ADGRL2: variants seen among roughly 807,000 people sequenced by gnomAD.
The protein encoded by ADGRL2 is calcium-independent alpha-latrotoxin receptor 2.
A neutral mutation model predicts 157.4 loss-of-function variants in ADGRL2; 44 were observed. That is an observed-to-expected ratio of 0.28 (90% CI 0.22 to 0.36). The LOEUF (loss-of-function observed/expected upper bound fraction) is 0.36, where lower values mean the gene tolerates loss of function less well. Ranked by LOEUF, ADGRL2 falls within the 10% of genes least tolerant of loss-of-function variation. The pLI is 1.00. For missense variants in ADGRL2, 1,510 were observed against 1,768.9 expected (o/e 0.85, Z 2.63); for synonymous variants, 585 against 624.7 (o/e 0.94, Z 0.95).
intron 1 of ADGRL2, chr1:81,427,223 G>A (rs2077234089): frequency 2.6e-6 from 2 of 780,326 alleles, no homozygotes; most frequent in Non-Finnish European, 4.6e-6. Flanking sequence ...TGGAAGAGGA[G>A]GCTATGCTGG....
At chr1:81,642,811 A>T (rs2082246411) in intron 3 of ADGRL2, among the ~76,000 whole-genome samples, 1 of 152,226 alleles carries the variant, frequency 6.6e-6, no homozygotes, top group African/African-American at 2.4e-5. Context: ...CATGACATGA[A>T]CGGGTTAAGA....
rs1487252634 is a variant in ADGRL2, at chr1:81,737,043, C to A, written c.-142-24768C>A. On this transcript the variant is annotated intron_variant, in intron 1 of 20. Transcript: ENST00000359929. Reference sequence around the variant, plus strand: ...TAGAGGTGGGGTTTCACCATGTTAGCCAGCATGGTCTCGATCTCCTGACCT... The same window carrying A: ...TAGAGGTGGGGTTTCACCATGTTAGACAGCATGGTCTCGATCTCCTGACCT... Among the ~76,000 whole-genome samples, 5 of 152,084 alleles carry A rather than the reference C, an allele frequency of 3.3e-5. No individual in the cohort carries two copies. In the East Asian group the frequency reaches 9.7e-4, roughly 30 times the overall value.
chr1:81,885,915 A>G (rs764075532), intron 2 of ADGRL2, among the ~76,000 whole-genome samples: 1 of 152,190 alleles, frequency 6.6e-6, no homozygotes, highest in Non-Finnish European at 1.5e-5. Context: ...ATTAGGCTTA[A>G]CATGTAGTTT....
At chr1:81,378,057 T>C (rs1557641299) in intron 1 of ADGRL2, among the ~76,000 whole-genome samples, 1 of 152,016 alleles carries the variant, frequency 6.6e-6, no homozygotes, top group Non-Finnish European at 1.5e-5. Context: ...TGCACACCTG[T>C]AGCCCCAGCT....
At chr1:81,903,478 T>C (rs891295592) in intron 2 of ADGRL2, among the ~76,000 whole-genome samples, 1 of 151,986 alleles carries the variant, frequency 6.6e-6, no homozygotes, top group Non-Finnish European at 1.5e-5. Flanking sequence ...GGTTAGAATC[T>C]AACGTGTGGT....
intron 1 of ADGRL2, among the ~76,000 whole-genome samples, chr1:81,705,390 G>A (rs1334469550): frequency 1.3e-5 from 2 of 152,060 alleles, no homozygotes; most frequent in Non-Finnish European, 2.9e-5. Flanking sequence ...AAAGCCTACA[G>A]GTGTGCATCA....
At chr1:81,952,268 G>T (rs1652080935) in intron 9 of ADGRL2, 126 bp downstream of exon 9, 9 of 652,600 alleles carry the variant, frequency 1.4e-5, no homozygotes, top group South Asian at 2.9e-5. Context: ...TTTCTAATTT[G>T]GTTCATTTTT....
intron 1 of ADGRL2, among the ~76,000 whole-genome samples, chr1:81,384,369 G>T (rs1201538573): frequency 6.6e-6 from 1 of 152,048 alleles, no homozygotes; most frequent in Admixed American, 6.6e-5. Flanking sequence ...GTGTGTGCAC[G>T]CATGTTTGTG....
At chr1:81,730,047 T>C (rs996048834) in intron 1 of ADGRL2, among the ~76,000 whole-genome samples, 1 of 152,180 alleles carries the variant, frequency 6.6e-6, no homozygotes, top group African/African-American at 2.4e-5. Context: ...GCTGCTAAGA[T>C]GCTCTTTAAT....
intron 1 of ADGRL2, among the ~76,000 whole-genome samples, chr1:81,441,013 C>T (rs1222332805): frequency 2.6e-5 from 4 of 152,116 alleles, no homozygotes; most frequent in Admixed American, 2.0e-4. Flanking sequence ...ACATTCATAA[C>T]ACATGTTTCT....
At chr1:81,881,845 A>G (rs74423981) in intron 2 of ADGRL2, among the ~76,000 whole-genome samples, 2,844 of 152,264 alleles carry the variant, frequency 0.019, 78 homozygotes, top group African/African-American at 0.065. Context: ...ATCTTTCCCT[A>G]AATGTTCCTA....
At chr1:81,546,526 C>T (rs77501248) in intron 2 of ADGRL2, among the ~76,000 whole-genome samples, 2,897 of 152,282 alleles carry the variant, frequency 0.019, 55 homozygotes, top group Non-Finnish European at 0.03. Flanking sequence ...ACATCACAGA[C>T]GTGTTCACAC....
chr1:81,701,516 A>G (rs922327601), intron 1 of ADGRL2, among the ~76,000 whole-genome samples: 1 of 152,134 alleles, frequency 6.6e-6, no homozygotes, highest in Non-Finnish European at 1.5e-5. Flanking sequence ...ACCTAATCCT[A>G]AAATGTCCTG....
intron 2 of ADGRL2, among the ~76,000 whole-genome samples, chr1:81,765,194 T>C (rs926816686): frequency 6.6e-6 from 1 of 152,036 alleles, no homozygotes; most frequent in Non-Finnish European, 1.5e-5. Context: ...GATTTGTATA[T>C]GGAAATTTAT....
At chr1:81,496,830 A>G (rs1033632584) in intron 2 of ADGRL2, among the ~76,000 whole-genome samples, 3 of 147,566 alleles carry the variant, frequency 2.0e-5, no homozygotes, top group African/African-American at 7.5e-5. Flanking sequence ...CCTGATGACA[A>G]ATAAATATAA....
chr1:81,697,082 C>T (rs2149014862), upstream of ADGRL2, among the ~76,000 whole-genome samples: 1 of 152,234 alleles, frequency 6.6e-6, no homozygotes, highest in Non-Finnish European at 1.5e-5. Flanking sequence ...GTTAGAGATA[C>T]TTTAGAATAT....
chr1:81,560,495 C>A (rs1013526954), intron 2 of ADGRL2, among the ~76,000 whole-genome samples: 2 of 152,160 alleles, frequency 1.3e-5, no homozygotes, highest in Non-Finnish European at 2.9e-5. Flanking sequence ...GTCCAATAGG[C>A]AACAGCCTCT....
At chr1:81,929,972 A>C (rs1032066224) in intron 3 of ADGRL2, among the ~76,000 whole-genome samples, 1 of 152,186 alleles carries the variant, frequency 6.6e-6, no homozygotes, top group Non-Finnish European at 1.5e-5. Flanking sequence ...GAAAGGTTTA[A>C]TACATTGCTT....
chr1:81,612,013 T>C (rs1331464003), intron 3 of ADGRL2, among the ~76,000 whole-genome samples: 1 of 152,192 alleles, frequency 6.6e-6, no homozygotes, highest in Non-Finnish European at 1.5e-5. Flanking sequence ...GATTGTAAGT[T>C]TCCTGAGACC....
Sources: gnomAD v4.1 joint callset for allele counts (sites outside exome capture counted in the v4.1 genomes callset) on GRCh38, gnomAD v4.1.1 for gene constraint, MANE v1.5 for transcripts, NCBI Gene and HGNC (gene_info 2026-07-23, HGNC 2026-07-21) for gene names.